The following TTC6 variants were observed in gnomAD, a reference collection of about 807,000 sequenced individuals.
TTC6 encodes tetratricopeptide repeat domain 6.
In TTC6, 172 loss-of-function variants were observed where a neutral mutation model predicts 210.4. The ratio of observed to expected loss-of-function variants is 0.82; its 90% CI spans 0.72 to 0.93. The LOEUF (loss-of-function observed/expected upper bound fraction) is 0.93, where lower values mean the gene tolerates loss of function less well. Ranked by LOEUF, TTC6 falls within the 40% of genes least tolerant of loss-of-function variation. TTC6 has a pLI of 0.00. For missense variants in TTC6, 2,414 were observed against 2,318.1 expected, an observed-to-expected ratio of 1.04 and a Z score of -0.85; for synonymous variants, 804 against 819.6, an observed-to-expected ratio of 0.98 and a Z score of 0.32.
chr14:37,640,913 G>A (rs1484168796), intron 1 of TTC6, among the ~76,000 whole-genome samples: 1 of 152,182 alleles, frequency 6.6e-6, no homozygotes, highest in Non-Finnish European at 1.5e-5. Context: ...CTAAGTGGGA[G>A]GTGAGGTGGG....
intron 1 of TTC6, among the ~76,000 whole-genome samples, chr14:37,677,628 C>T (rs2095773148): frequency 6.6e-6 from 1 of 151,874 alleles, no homozygotes; most frequent in Non-Finnish European, 1.5e-5. Flanking sequence ...AATTTTTGGC[C>T]ATTTGTGTGT....
upstream of TTC6, among the ~76,000 whole-genome samples, chr14:37,617,856 AGAT>A (rs1384881095): frequency 1.3e-5 from 2 of 152,220 alleles, no homozygotes; most frequent in African/African-American, 4.8e-5. Context: ...ATGTCAGTTG[AGAT>A]GATATTTGAT....
chr14:37,719,840 A>G (rs2095858521), intron 6 of TTC6, among the ~76,000 whole-genome samples: 1 of 151,854 alleles, frequency 6.6e-6, no homozygotes, highest in Admixed American at 6.6e-5. Flanking sequence ...AAGGAAAAAT[A>G]GATAAATTGG....
chr14:37,603,156 C>A (rs1037335686), intron 1 of TTC6, among the ~76,000 whole-genome samples: 2 of 152,150 alleles, frequency 1.3e-5, no homozygotes, highest in Admixed American at 6.5e-5. Context: ...GCGGACCTGG[C>A]GTTAGGATTG....
At chr14:37,652,061 T>C (rs187070210) in intron 1 of TTC6, among the ~76,000 whole-genome samples, 3 of 152,266 alleles carry the variant, frequency 2.0e-5, no homozygotes, top group Admixed American at 2.0e-4. Flanking sequence ...GCCGAAGCCT[T>C]AATCCAGAAG....
exon 23 of TTC6, chr14:37,807,408 C>G: frequency 6.5e-7 from 1 of 1,530,122 alleles, no homozygotes; most frequent in Non-Finnish European, 8.8e-7. Flanking sequence ...AAAATTTACC[C>G]TGAAAGCGTA....
chr14:37,807,231 T>G, intron 22 of TTC6, 89 bp from the exon 25 acceptor site: 1 of 1,228,720 alleles, frequency 8.1e-7, no homozygotes, highest in Non-Finnish European at 1.1e-6. Flanking sequence ...TTGGGAGGCA[T>G]AGATTTGTTC....
chr14:37,611,014 G>T (rs984677372), intron 2 of TTC6, among the ~76,000 whole-genome samples: 24 of 152,224 alleles, frequency 1.6e-4, no homozygotes, highest in East Asian at 3.9e-4. Context: ...AATCCAGGCG[G>T]CTTCAGTCCA....
At chr14:37,786,484 A>G (rs543688873) in intron 14 of TTC6, among the ~76,000 whole-genome samples, 7 of 152,318 alleles carry the variant, frequency 4.6e-5, no homozygotes, top group African/African-American at 1.7e-4. Context: ...AAAGCGCAGT[A>G]TTAGGGTTGG....
chr14:37,618,049 G>A (rs1338405584), upstream of TTC6, among the ~76,000 whole-genome samples: 2 of 152,156 alleles, frequency 1.3e-5, no homozygotes, highest in African/African-American at 4.8e-5. Flanking sequence ...CCTTTTTGAG[G>A]TGGGTTTGTG....
At chr14:37,615,098 T>C (rs1391964327) in intron 2 of TTC6, among the ~76,000 whole-genome samples, 1 of 152,254 alleles carries the variant, frequency 6.6e-6, no homozygotes, top group South Asian at 2.1e-4. Context: ...CCTGTTTCCC[T>C]GTCTTCTGTT....
chr14:37,670,141 T>C (rs1595084426), intron 1 of TTC6, among the ~76,000 whole-genome samples: 1 of 152,178 alleles, frequency 6.6e-6, no homozygotes, highest in African/African-American at 2.4e-5. Context: ...GATTTCTGTT[T>C]GTTAGGGGAC....
At chr14:37,632,084 T>G (rs2095671002) in intron 1 of TTC6, among the ~76,000 whole-genome samples, 1 of 152,182 alleles carries the variant, frequency 6.6e-6, no homozygotes, top group Admixed American at 6.5e-5. Flanking sequence ...TGGAGGAGTT[T>G]GTTATTACCC....
intron 14 of TTC6, among the ~76,000 whole-genome samples, chr14:37,786,836 CTTTAT>C (rs1334064146): frequency 2.4e-4 from 36 of 152,172 alleles, no homozygotes; most frequent in Admixed American, 2.3e-3. Flanking sequence ...TCCTTGTCAT[CTTTAT>C]TTTATTTCTA....
chr14:37,616,654 G>A (rs1422716898), intron 2 of TTC6, among the ~76,000 whole-genome samples: 4 of 149,376 alleles, frequency 2.7e-5, no homozygotes, highest in African/African-American at 4.9e-5. Flanking sequence ...CGAAGATCGC[G>A]CCACTGCACT....
chr14:37,616,369 G>T (rs1364223253), intron 2 of TTC6, among the ~76,000 whole-genome samples: 1 of 152,116 alleles, frequency 6.6e-6, no homozygotes, highest in Non-Finnish European at 1.5e-5. Flanking sequence ...GACTGTGTTT[G>T]AAGAAAAACC....
chr14:37,769,350 T>A (rs2139165501), intron 14 of TTC6, among the ~76,000 whole-genome samples: 1 of 151,722 alleles, frequency 6.6e-6, no homozygotes, highest in African/African-American at 2.4e-5. Flanking sequence ...TCTTTTTCTA[T>A]TGATTGGAAT....
chr14:37,825,869 C>T (rs1033320966), intron 27 of TTC6, among the ~76,000 whole-genome samples: 3 of 152,106 alleles, frequency 2.0e-5, no homozygotes, highest in East Asian at 1.9e-4. Context: ...CAGCTCAATG[C>T]GCATTTTTCT....
chr14:37,795,119 G>T, intron 17 of TTC6, 151 bp from the exon 20 acceptor site: 1 of 459,190 alleles, frequency 2.2e-6, no homozygotes, highest in Non-Finnish European at 3.8e-6. Context: ...TTACTTCTCT[G>T]TATCCCATTT....
Sources: allele counts gnomAD v4.1 joint callset (sites outside exome capture counted in the v4.1 genomes callset), GRCh38; gene constraint gnomAD v4.1.1; transcripts MANE v1.5; gene names NCBI Gene and HGNC (gene_info 2026-07-23, HGNC 2026-07-21).